The following PDE1A variants were observed in gnomAD, a reference collection of about 807,000 sequenced individuals.
PDE1A encodes phosphodiesterase 1A.
In PDE1A, 35 loss-of-function variants were observed where a neutral mutation model predicts 61.7. That is an observed-to-expected ratio of 0.57 (90% confidence interval 0.43 to 0.75). PDE1A has a LOEUF of 0.75. PDE1A is among the 30% of genes least tolerant of loss of function. The probability of loss-of-function intolerance (pLI) is 0.00; values close to 1 mark genes in which losing one functional copy is unlikely to be tolerated. For missense variants in PDE1A, 597 were observed against 630.6 expected (o/e 0.95, Z 0.57); for synonymous variants, 232 against 213.2 (o/e 1.09, Z -0.77).
intron 1 of PDE1A, among the ~76,000 whole-genome samples, chr2:182,272,419 G>A (rs570354392): frequency 6.6e-6 from 1 of 152,266 alleles, no homozygotes; most frequent in Admixed American, 6.5e-5. Context: ...ATGGTCTTAG[G>A]TCTGACCTAG....
intron 1 of PDE1A, among the ~76,000 whole-genome samples, chr2:182,285,737 T>C (rs1694115506): frequency 6.6e-6 from 1 of 151,922 alleles, no homozygotes. Context: ...ATATTCCAAG[T>C]AGTAGGTGGC....
intron 2 of PDE1A, among the ~76,000 whole-genome samples, chr2:182,462,448 A>G (rs1227479758): frequency 6.6e-6 from 1 of 152,032 alleles, no homozygotes; most frequent in Non-Finnish European, 1.5e-5. Context: ...TTGGTGTTTA[A>G]CAGTCTGTTA....
chr2:182,695,704 GA>G, the PDE1A span, among the ~76,000 whole-genome samples: 7 of 136,550 alleles, frequency 5.1e-5, no homozygotes, highest in Admixed American at 2.2e-4. Flanking sequence ...AAAAGAAAAA[GA>G]AAAAAAAAGA....
At chr2:182,489,288 C>T (rs1688229179) in intron 2 of PDE1A, among the ~76,000 whole-genome samples, 1 of 152,034 alleles carries the variant, frequency 6.6e-6, no homozygotes, top group African/African-American at 2.4e-5. Context: ...AAGAAAAGGA[C>T]ATGAAGTTAA....
At chr2:182,155,667 A>T (rs1043006159) in intron 13 of PDE1A, among the ~76,000 whole-genome samples, 1 of 152,164 alleles carries the variant, frequency 6.6e-6, no homozygotes, top group African/African-American at 2.4e-5. Flanking sequence ...AGCCTGGTGG[A>T]TCACCTGAGG....
chr2:182,356,841 C>T (rs1286501156), intron 1 of PDE1A, among the ~76,000 whole-genome samples: 1 of 152,114 alleles, frequency 6.6e-6, no homozygotes, highest in African/African-American at 2.4e-5. Flanking sequence ...CCATGGAATA[C>T]TATGCAGCCG....
At chr2:182,496,480 GTTA>G (rs1230928039) in intron 2 of PDE1A, among the ~76,000 whole-genome samples, 1 of 152,170 alleles carries the variant, frequency 6.6e-6, no homozygotes, top group East Asian at 1.9e-4. Flanking sequence ...GTCACAAACC[GTTA>G]TTATGATAGA....
chr2:182,197,450 T>C (rs967194120), intron 10 of PDE1A, among the ~76,000 whole-genome samples: 1 of 151,598 alleles, frequency 6.6e-6, no homozygotes, highest in African/African-American at 2.4e-5. Context: ...ATGCTTTATG[T>C]GTCTTCTCTA....
chr2:182,330,582 G>A (rs376853187), intron 1 of PDE1A, among the ~76,000 whole-genome samples: 137 of 151,962 alleles, frequency 9.0e-4, no homozygotes, highest in African/African-American at 2.7e-3. Flanking sequence ...GGCTTCAACC[G>A]TCTCTTTCTG....
chr2:182,594,403 C>A, the PDE1A span, among the ~76,000 whole-genome samples: 1 of 152,198 alleles, frequency 6.6e-6, no homozygotes, highest in Non-Finnish European at 1.5e-5. Flanking sequence ...CCTTTCTAGT[C>A]CTCACAGCAA....
chr2:182,504,640 T>C (rs1303227166), intron 2 of PDE1A, among the ~76,000 whole-genome samples: 1 of 152,246 alleles, frequency 6.6e-6, no homozygotes, highest in Non-Finnish European at 1.5e-5. Context: ...ATTAAGCACA[T>C]ATGATTAAGC....
At chr2:182,383,979 A>G (rs115839036) in intron 1 of PDE1A, among the ~76,000 whole-genome samples, 3,192 of 152,318 alleles carry the variant, frequency 0.021, 115 homozygotes, top group African/African-American at 0.073. Flanking sequence ...CTGAGCCTGT[A>G]GAAATGCCTT....
the PDE1A span, among the ~76,000 whole-genome samples, chr2:182,577,634 C>T: frequency 6.4e-3 from 968 of 152,304 alleles, 9 homozygotes; most frequent in African/African-American, 0.022. Context: ...GAGATCACCT[C>T]TAAAATTGCA....
the PDE1A span, among the ~76,000 whole-genome samples, chr2:182,539,146 C>A: frequency 5.8e-4 from 89 of 152,272 alleles, no homozygotes; most frequent in African/African-American, 2.0e-3. Flanking sequence ...ATACAAAATT[C>A]CTTCCTGACT....
At chr2:182,170,659 C>A (rs1308443487) in intron 13 of PDE1A, among the ~76,000 whole-genome samples, 1 of 151,906 alleles carries the variant, frequency 6.6e-6, no homozygotes, top group Non-Finnish European at 1.5e-5. Context: ...TGCCTTAGAC[C>A]TAAGTTCTCA....
chr2:182,420,432 G>C (rs1703204787), intron 1 of PDE1A, among the ~76,000 whole-genome samples: 3 of 152,022 alleles, frequency 2.0e-5, no homozygotes, highest in South Asian at 4.1e-4. Context: ...ATATGACAAA[G>C]ATACAGCCCT....
the PDE1A span, among the ~76,000 whole-genome samples, chr2:182,713,199 A>G: frequency 6.6e-6 from 1 of 152,144 alleles, no homozygotes; most frequent in African/African-American, 2.4e-5. Flanking sequence ...CTTTGCCCCT[A>G]GAGTAGCTCA....
At chr2:182,398,126 T>TA (rs955549181) in intron 1 of PDE1A, among the ~76,000 whole-genome samples, 48 of 150,814 alleles carry the variant, frequency 3.2e-4, no homozygotes, top group Middle Eastern at 3.4e-3. Context: ...ATGTAAGAAA[T>TA]AAAAAAAAAG....
intron 10 of PDE1A, among the ~76,000 whole-genome samples, chr2:182,189,753 T>G (rs560409908): frequency 1.6e-4 from 24 of 152,344 alleles, no homozygotes; most frequent in African/African-American, 5.3e-4. Flanking sequence ...AATTTTCATC[T>G]TCTAAAACAA....
Sources: gnomAD v4.1 joint callset for allele counts (sites outside exome capture counted in the v4.1 genomes callset) on GRCh38, gnomAD v4.1.1 for gene constraint, MANE v1.5 for transcripts, NCBI Gene and HGNC (gene_info 2026-07-23, HGNC 2026-07-21) for gene names.